The following EXOC6B variants were observed in gnomAD, a reference collection of about 807,000 sequenced individuals.
EXOC6B encodes SEC15 homolog B.
A neutral mutation model predicts 113.5 loss-of-function variants in EXOC6B; 54 were observed. The ratio of observed to expected loss-of-function variants is 0.48; its 90% confidence interval spans 0.38 to 0.60. The LOEUF (loss-of-function observed/expected upper bound fraction) is 0.60. Among genes scored for constraint, EXOC6B ranks in the 20% least tolerant of loss-of-function variants. EXOC6B has a pLI of 0.00. For missense variants in EXOC6B, 797 were observed against 977.5 expected (o/e 0.82, Z 2.46); for synonymous variants, 357 against 339.0 (o/e 1.05, Z -0.58).
At chr2:72,235,286 CTAA>C (rs1272752946) in intron 20 of EXOC6B, among the ~76,000 whole-genome samples, 1 of 152,142 alleles carries the variant, frequency 6.6e-6, no homozygotes, top group African/African-American at 2.4e-5. Flanking sequence ...ACTAAGTGAA[CTAA>C]TACAGGAACA....
chr2:72,620,192 T>C (rs1250906705), intron 6 of EXOC6B, among the ~76,000 whole-genome samples: 1 of 152,192 alleles, frequency 6.6e-6, no homozygotes. Context: ...AGTGTGTTGC[T>C]ATGTCTAAGT....
chr2:72,499,708 A>AT (rs563232374), intron 12 of EXOC6B, among the ~76,000 whole-genome samples, 193 bp downstream of exon 12: 110 of 151,772 alleles, frequency 7.2e-4, no homozygotes, highest in Non-Finnish European at 1.3e-3. Context: ...TTATGTTTTT[A>AT]TTTTTTGTAT....
At chr2:72,316,724 T>C (rs1687534624) in intron 20 of EXOC6B, among the ~76,000 whole-genome samples, 1 of 152,166 alleles carries the variant, frequency 6.6e-6, no homozygotes, top group Non-Finnish European at 1.5e-5. Context: ...TTCCTGCCCT[T>C]AGTGAACTCA....
chr2:72,605,285 CAA>C (rs777656180), intron 6 of EXOC6B, among the ~76,000 whole-genome samples: 6 of 104,670 alleles, frequency 5.7e-5, no homozygotes, highest in Non-Finnish European at 2.0e-5. Flanking sequence ...CTCTGTCTCC[CAA>C]AAAAAAAAAA....
rs368659746 is a variant in EXOC6B, at chr2:72,355,942, T to C, written c.2123-20922A>G. On this transcript the variant is annotated intron_variant, in intron 19 of 21. Transcript: ENST00000272427. ...ATTTGTCTCTCTTTAAACCTTACATTCTTAAGATTGCTCTCTTTTAATTCT... is the reference window on the plus strand; with the variant it reads ...ATTTGTCTCTCTTTAAACCTTACATCCTTAAGATTGCTCTCTTTTAATTCT... Among the ~76,000 whole-genome samples, 8 of 152,320 alleles carry C rather than the reference T, an allele frequency of 5.3e-5. 1 individual carries two copies. The highest frequency in any genetic ancestry group is 1.9e-4 in the African/African-American group (8 of 41,580).
intron 17 of EXOC6B, among the ~76,000 whole-genome samples, chr2:72,465,926 G>C (rs950430685): frequency 3.3e-5 from 5 of 152,010 alleles, no homozygotes; most frequent in African/African-American, 1.2e-4. Flanking sequence ...CACTTTCTTT[G>C]GGTGATTTAA....
intron 18 of EXOC6B, among the ~76,000 whole-genome samples, chr2:72,389,624 T>C (rs1196507580): frequency 1.3e-5 from 2 of 152,106 alleles, no homozygotes; most frequent in Non-Finnish European, 2.9e-5. Context: ...AAAGTCATTA[T>C]TATACCTTAA....
intron 20 of EXOC6B, among the ~76,000 whole-genome samples, chr2:72,296,635 G>A (rs1452020197): frequency 6.6e-6 from 1 of 152,178 alleles, no homozygotes; most frequent in African/African-American, 2.4e-5. Flanking sequence ...AATGGAAATA[G>A]AGAAGACATG....
chr2:72,512,983 G>A (rs1701023379), intron 11 of EXOC6B, 149 bp downstream of exon 11: 1 of 889,820 alleles, frequency 1.1e-6, no homozygotes, highest in South Asian at 2.1e-5. Context: ...GTGATAATTT[G>A]AAGCAGCTAC....
chr2:72,238,896 T>C (rs1326849201), intron 20 of EXOC6B, among the ~76,000 whole-genome samples: 2 of 152,138 alleles, frequency 1.3e-5, no homozygotes, highest in Admixed American at 6.5e-5. Context: ...ATGTTTTTAG[T>C]TTTTTTGTTT....
intron 6 of EXOC6B, among the ~76,000 whole-genome samples, chr2:72,671,412 T>C (rs929516034): frequency 4.6e-5 from 7 of 152,162 alleles, no homozygotes; most frequent in Non-Finnish European, 4.4e-5. Flanking sequence ...AAAAAGGCTC[T>C]GGCTGGGCAC....
Position 72,401,525 on chromosome 2 carries a change from ATATATATATATATATATATGTG to A in EXOC6B, c.1981-21677_1981-21656del, listed in dbSNP as rs1693189882. On this transcript the variant is annotated intron_variant, in intron 18 of 21. Coordinates refer to ENST00000272427, the MANE Select transcript of EXOC6B (RefSeq NM_015189.3). ...TATATATATATATATACATATATACATATATATATATATATATATGTGTATATATATATATATATACATATAT... is the reference window on the plus strand; with the variant it reads ...TATATATATATATATACATATATACATATATATATATATATATACATATAT... Among the ~76,000 whole-genome samples the A allele has an allele frequency of 1.7e-3, 6 of 3,606 alleles. 1 individual carries two copies. The highest frequency in any genetic ancestry group is 8.5e-3 in the African/African-American group (3 of 354). 2.4% of individuals were successfully genotyped at this position (3,606 alleles called of 152,430 possible).
chr2:72,614,341 A>AGGGGC (rs1671259940), intron 6 of EXOC6B, among the ~76,000 whole-genome samples: 1 of 152,174 alleles, frequency 6.6e-6, no homozygotes, highest in Admixed American at 6.5e-5. Context: ...TTCATGAAAC[A>AGGGGC]GGGGCAGGGC....
At chr2:72,701,514 G>A (rs2104638227) in intron 6 of EXOC6B, among the ~76,000 whole-genome samples, 1 of 152,268 alleles carries the variant, frequency 6.6e-6, no homozygotes. Context: ...TCCATGGAGA[G>A]TCTCTGTCCC....
At chr2:72,595,300 T>G (rs141151334) in intron 6 of EXOC6B, among the ~76,000 whole-genome samples, 2,756 of 147,308 alleles carry the variant, frequency 0.019, 64 homozygotes, top group East Asian at 0.11. Context: ...TATATCTATA[T>G]ATATATATGA....
intron 6 of EXOC6B, among the ~76,000 whole-genome samples, chr2:72,671,066 A>T (rs1042404701): frequency 2.0e-5 from 3 of 152,232 alleles, no homozygotes; most frequent in Non-Finnish European, 4.4e-5. Context: ...ACTACCAGAA[A>T]AAAAACATTG....
At chr2:72,406,736 C>A (rs573716955) in intron 18 of EXOC6B, among the ~76,000 whole-genome samples, 11 of 151,978 alleles carry the variant, frequency 7.2e-5, no homozygotes, top group Non-Finnish European at 1.3e-4. Context: ...CACTAAATGC[C>A]CACAAGAGAA....
chr2:72,208,819 AT>A, intron 20 of EXOC6B, among the ~76,000 whole-genome samples: 1 of 152,328 alleles, frequency 6.6e-6, no homozygotes, highest in East Asian at 1.9e-4. Context: ...TTTTCTGTGG[AT>A]TTTAACCTTA....
At chr2:72,210,046 T>C (rs926202062) in intron 20 of EXOC6B, among the ~76,000 whole-genome samples, 1 of 152,204 alleles carries the variant, frequency 6.6e-6, no homozygotes, top group East Asian at 1.9e-4. Context: ...AAGACTTTCT[T>C]TTGGTGGGTA....
Sources: gnomAD v4.1 joint callset for allele counts (sites outside exome capture counted in the v4.1 genomes callset) on GRCh38, gnomAD v4.1.1 for gene constraint, MANE v1.5 for transcripts, NCBI Gene and HGNC (gene_info 2026-07-23, HGNC 2026-07-21) for gene names.